Variants in ARID1B observed in about 807,000 individuals in gnomAD.
ARID1B encodes AT-rich interaction domain 1B.
A neutral mutation model predicts 212.3 loss-of-function variants in ARID1B; 30 were observed. The observed-to-expected ratio is 0.14, with a 90% CI of 0.11 to 0.19. The LOEUF is 0.19. Ranked by LOEUF, ARID1B falls within the 10% of genes least tolerant of loss-of-function variation. The pLI is 1.00. For synonymous variants in ARID1B, 1,402 were observed against 1,301.7 expected, an observed-to-expected ratio of 1.08 and a Z score of -1.66; for missense variants, 2,891 against 3,204.0, an observed-to-expected ratio of 0.90 and a Z score of 2.36.
chr6:157,205,247 A>G (rs377003672), intron 19 of ARID1B: 1 of 152,088 alleles, frequency 6.6e-6, no homozygotes, highest in Non-Finnish European at 1.5e-5. Flanking sequence ...AATTGTTCCA[A>G]CTCTACTTTC....
chr6:157,104,689 C>T lies in ARID1B; in HGVS notation c.2492-5783C>T, dbSNP rs569333410. ...ACTACGTGCTTAGGAATAAACTTAACATAAAATATACAAACCCTCTAGGTA... is the reference window on the plus strand; with the variant it reads ...ACTACGTGCTTAGGAATAAACTTAATATAAAATATACAAACCCTCTAGGTA... On this transcript the variant is annotated intron_variant, in intron 5 of 19. Coordinates refer to ENST00000636930, the MANE Select transcript of ARID1B (RefSeq NM_001374828.1). Among the ~76,000 whole-genome samples the T allele has an allele frequency of 2.0e-5, 3 of 152,296 alleles. No homozygotes were observed. In the East Asian group the frequency reaches 5.8e-4, roughly 29 times the overall value.
chr6:156,995,920 A>G (rs1025514969), intron 4 of ARID1B, among the ~76,000 whole-genome samples: 6 of 152,216 alleles, frequency 3.9e-5, no homozygotes, highest in Non-Finnish European at 7.3e-5. Context: ...TGGCAACCCT[A>G]TAGAAAAAGA....
chr6:157,032,975 T>A (rs1420259338), intron 4 of ARID1B, among the ~76,000 whole-genome samples: 1 of 152,244 alleles, frequency 6.6e-6, no homozygotes, highest in African/African-American at 2.4e-5. Context: ...TGTTCGACTA[T>A]ACAGTAATTT....
chr6:156,834,297 G>A (rs1161767887), intron 2 of ARID1B, among the ~76,000 whole-genome samples: 3 of 152,092 alleles, frequency 2.0e-5, no homozygotes, highest in South Asian at 2.1e-4. Flanking sequence ...CTATGTTTGC[G>A]ACTGTGATGG....
chr6:156,914,639 C>G (rs1165184531), intron 3 of ARID1B, among the ~76,000 whole-genome samples: 1 of 152,198 alleles, frequency 6.6e-6, no homozygotes, highest in African/African-American at 2.4e-5. Context: ...TTGTGACTTT[C>G]ATATGTACTT....
intron 3 of ARID1B, among the ~76,000 whole-genome samples, chr6:156,911,348 T>TG (rs2128226229): frequency 6.6e-6 from 1 of 151,586 alleles, no homozygotes; most frequent in East Asian, 1.9e-4. Context: ...GTTTTTTTTT[T>TG]TTTTTTTTTT....
chr6:157,038,676 A>G (rs1781494305), intron 4 of ARID1B, among the ~76,000 whole-genome samples: 1 of 152,170 alleles, frequency 6.6e-6, no homozygotes, highest in East Asian at 1.9e-4. Flanking sequence ...TGTCTTGTGA[A>G]TTTTTCATTT....
chr6:157,004,856 C>T (rs1213051590), intron 4 of ARID1B, among the ~76,000 whole-genome samples: 1 of 142,600 alleles, frequency 7.0e-6, no homozygotes, highest in Non-Finnish European at 1.5e-5. Flanking sequence ...GTACTTTTCA[C>T]ATGTAGTGGC....
At position 156,778,054 on chromosome 6, in the gene ARID1B, C is replaced by T. The variant is rs1187699866; in HGVS notation, c.374C>T (p.Ala125Val). The T allele has an allele frequency of 5.2e-6, 8 of 1,533,956 alleles. No individual in the cohort carries two copies. Among genetic ancestry groups the T allele is most frequent in the Admixed American group, 3.9e-5 (2 of 50,794 alleles). Residue 125 changes from alanine to valine, a missense_variant, in exon 1 of 20, where the codon GCG becomes GTG. By Grantham distance (64) the Ala-to-Val change is moderately conservative. Transcript: ENST00000636930. ...AALSSSSSSS[A>V]AAAAASSSSS... ...CTGTCCTCCTCCTCCTCCTCCTCCG[C>T]GGCGGCAGCGGCGGCATCCTCTTCC...
intron 3 of ARID1B, among the ~76,000 whole-genome samples, chr6:156,922,751 T>C (rs937251127): frequency 7.2e-5 from 11 of 152,194 alleles, no homozygotes; most frequent in Admixed American, 4.6e-4. Flanking sequence ...TGGTAAAAGC[T>C]ACAGATTCTC....
Position 157,094,294 on chromosome 6 carries a change from G to C in ARID1B, c.2491+9389G>C, listed in dbSNP as rs1785470286. On this transcript the variant is annotated intron_variant, in intron 5 of 19. Transcript: ENST00000636930. The surrounding 1 kb of genome is among the most constrained non-coding windows in gnomAD (Gnocchi z 4.3). ...TCACGGGCAATGGAGCAGAATGTGT[G>C]GGCAGTTAGGTGAGAGAGGAGCTAA... 6.6e-6 allele frequency among the ~76,000 whole-genome samples: 1 copy of C among 152,138 alleles called. No homozygotes were observed. The highest frequency in any genetic ancestry group is 2.1e-4 in the South Asian group (1 of 4,820).
intron 3 of ARID1B, among the ~76,000 whole-genome samples, chr6:156,913,168 C>CT (rs1790042396): frequency 2.0e-5 from 3 of 151,392 alleles, no homozygotes; most frequent in African/African-American, 7.3e-5. Context: ...CACATAGTTA[C>CT]CATTTTCGTG....
rs1562569165 is a variant in ARID1B, at chr6:157,039,670, C to CTTCCTTCCTTCTTTCTTTCTTTCT, written c.2248-44981_2248-44980insTTTCTTTCTTTCTTTCCTTCCTTC. Among the ~76,000 whole-genome samples, 9 of 55,300 alleles carry CTTCCTTCCTTCTTTCTTTCTTTCT rather than the reference C, an allele frequency of 1.6e-4. No individual in the cohort carries two copies. In the East Asian group the frequency reaches 2.4e-3, roughly 15 times the overall value. The allele number at this position is 55,300 out of a possible 152,430, so 36.3% of individuals were successfully genotyped here. On this transcript the variant is annotated intron_variant, in intron 4 of 19. Coordinates refer to ENST00000636930, the MANE Select transcript of ARID1B (RefSeq NM_001374828.1). ...CTTTCCTTCCTTCCTTCCTTCCTTC[C>CTTCCTTCCTTCTTTCTTTCTTTCT]TTCCTTCCTTCCTTCCTTCCTTCCT...
chr6:157,056,335 T>G (rs1262861479), intron 4 of ARID1B, among the ~76,000 whole-genome samples: 2 of 152,216 alleles, frequency 1.3e-5, no homozygotes, highest in African/African-American at 2.4e-5. Context: ...AATGCAGCTT[T>G]GGAAAAATGA....
rs1786198929 is a variant in ARID1B at position 156,872,343 on chromosome 6, AG to A, written c.1987-29031del. On this transcript the variant is annotated intron_variant, in intron 2 of 19. Coordinates refer to ENST00000636930, the MANE Select transcript of ARID1B (RefSeq NM_001374828.1). Reference sequence around the variant, plus strand: ...GTTTTTGTTTGTTTGTTTTTTGAGAAGGAGTTTTGCTGTTTTTGCCCAGGCT... The same window carrying A: ...GTTTTTGTTTGTTTGTTTTTTGAGAAGAGTTTTGCTGTTTTTGCCCAGGCT... Among the ~76,000 whole-genome samples the A allele has an allele frequency of 2.0e-5, 3 of 152,152 alleles. No homozygotes were observed. In the South Asian group the frequency reaches 6.2e-4, roughly 32 times the overall value.
At chr6:156,943,939 A>G (rs1051481399) in intron 4 of ARID1B, 1 of 152,192 alleles carries the variant, frequency 6.6e-6, no homozygotes, top group African/African-American at 2.4e-5. Flanking sequence ...TGTTTTTATA[A>G]AATAATATGT....
intron 5 of ARID1B, among the ~76,000 whole-genome samples, chr6:157,106,845 T>G (rs1229985726): frequency 6.6e-6 from 1 of 152,186 alleles, no homozygotes; most frequent in Admixed American, 6.5e-5. Context: ...AAGATGGCTC[T>G]TCTCACAATG....
intron 1 of ARID1B, among the ~76,000 whole-genome samples, chr6:156,807,143 C>G (rs114676727): frequency 6.9e-6 from 1 of 145,256 alleles, no homozygotes; most frequent in South Asian, 2.3e-4. Context: ...TGTGCACCCC[C>G]CCACGCCCCA....
intron 5 of ARID1B, among the ~76,000 whole-genome samples, chr6:157,107,308 T>A (rs1388483835): frequency 2.0e-5 from 3 of 151,946 alleles, no homozygotes; most frequent in African/African-American, 7.2e-5. Flanking sequence ...GAAAAATGGG[T>A]GTAATTCAAA....
Sources: gnomAD v4.1 joint callset for allele counts (sites outside exome capture counted in the v4.1 genomes callset) on GRCh38, gnomAD v4.1.1 for gene constraint, Gnocchi (gnomAD v3.1) non-coding constraint, MANE v1.5 for transcripts, NCBI Gene and HGNC (gene_info 2026-07-23, HGNC 2026-07-21) for gene names.